TMEM200A: variants seen among roughly 807,000 people sequenced by gnomAD.
TMEM200A encodes the protein two transmembrane C.
In TMEM200A, 12 loss-of-function variants were observed where a neutral mutation model predicts 24.3. That is an observed-to-expected ratio of 0.49 (90% CI 0.32 to 0.80). TMEM200A has a LOEUF of 0.80. Ranked by LOEUF, TMEM200A falls within the 30% of genes least tolerant of loss-of-function variation. TMEM200A has a pLI of 0.04. For synonymous variants in TMEM200A, 224 were observed against 224.4 expected, an observed-to-expected ratio of 1.00 and a Z score of 0.02; for missense variants, 545 against 614.4, an observed-to-expected ratio of 0.89 and a Z score of 1.19.
intron 2 of TMEM200A, among the ~76,000 whole-genome samples, chr6:130,424,727 G>A (rs1779687223): frequency 6.6e-6 from 1 of 152,124 alleles, no homozygotes; most frequent in African/African-American, 2.4e-5. Context: ...GGGTGGGGGA[G>A]CCATGATGGT....
Position 130,440,921 on chromosome 6 carries a change from G to T in TMEM200A, c.499G>T (p.Val167Phe). The change falls in exon 3 of 3, where the codon GTC becomes TTC. Residue 167 changes from valine to phenylalanine, a missense_variant. Physicochemically the swap from Val to Phe is conservative, Grantham distance 50. Coordinates refer to ENST00000296978, the MANE Select transcript of TMEM200A (RefSeq NM_001258277.2). Reference protein sequence around the residue: ...IIHMRDIYSTVIDIHTLRIKE... With the variant: ...IIHMRDIYSTFIDIHTLRIKE... ...ACACATGAGGGATATCTATTCCACA[G>T]TCATTGACATTCACACGCTAAGAAT... 6.2e-7 allele frequency: 1 copy of T among 1,614,078 alleles called. No homozygotes were observed. The highest frequency in any genetic ancestry group is 8.5e-7 in the Non-Finnish European group (1 of 1,180,000).
chr6:130,429,144 T>TACTA (rs1399345113), intron 2 of TMEM200A, among the ~76,000 whole-genome samples: 6 of 152,152 alleles, frequency 3.9e-5, no homozygotes, highest in African/African-American at 1.2e-4. Flanking sequence ...CCATAAAAAT[T>TACTA]ACTAACTGGA....
intron 1 of TMEM200A, among the ~76,000 whole-genome samples, chr6:130,381,652 C>G (rs1231448124): frequency 6.6e-6 from 1 of 152,154 alleles, no homozygotes; most frequent in African/African-American, 2.4e-5. Context: ...CTCAAAGCTG[C>G]CTTGTGCTAT....
chr6:130,409,861 C>T (rs967905199), intron 2 of TMEM200A, among the ~76,000 whole-genome samples: 2 of 150,986 alleles, frequency 1.3e-5, no homozygotes, highest in African/African-American at 4.9e-5. Context: ...TTAATGAAAA[C>T]TCACTGTTTA....
chr6:130,433,148 T>C (rs930866177), intron 2 of TMEM200A, among the ~76,000 whole-genome samples: 8 of 151,830 alleles, frequency 5.3e-5, no homozygotes, highest in Non-Finnish European at 1.2e-4. Flanking sequence ...TTTTTTTTTT[T>C]TTTTTGAGAC....
At chr6:130,365,664 G>C, upstream of TMEM200A, 1 of 985,514 alleles carries the variant, frequency 1.0e-6, no homozygotes, top group Non-Finnish European at 1.2e-6. Flanking sequence ...GGCCCCACGG[G>C]TGGGTGTGTC....
intron 2 of TMEM200A, among the ~76,000 whole-genome samples, chr6:130,392,996 A>G (rs1562555695): frequency 2.6e-5 from 4 of 152,260 alleles, no homozygotes; most frequent in Admixed American, 6.5e-5. Flanking sequence ...CAATACAGCT[A>G]GGATTCCATA....
At chr6:130,421,756 T>C (rs919863829) in intron 2 of TMEM200A, among the ~76,000 whole-genome samples, 1 of 152,138 alleles carries the variant, frequency 6.6e-6, no homozygotes, top group African/African-American at 2.4e-5. Context: ...CTTGATGTTT[T>C]TAGATTCCAT....
chr6:130,412,293 TC>T (rs1779350737), intron 2 of TMEM200A, among the ~76,000 whole-genome samples: 2 of 151,896 alleles, frequency 1.3e-5, no homozygotes, highest in Non-Finnish European at 2.9e-5. Context: ...TCACAGGCCC[TC>T]TCTGTGTAAA....
chr6:130,428,315 T>C (rs10485237), intron 2 of TMEM200A, among the ~76,000 whole-genome samples: 65,704 of 151,954 alleles, frequency 0.43, 15,351 homozygotes, highest in African/African-American at 0.61. Context: ...TTCTTATTCA[T>C]GCTTTCAGAT....
chr6:130,370,459 A>G (rs1157480482), intron 1 of TMEM200A, among the ~76,000 whole-genome samples: 3 of 152,170 alleles, frequency 2.0e-5, no homozygotes, highest in Non-Finnish European at 2.9e-5. Context: ...TCAAGATTAC[A>G]TAGAGTTGTG....
chr6:130,404,110 T>C (rs910548352), intron 2 of TMEM200A, among the ~76,000 whole-genome samples: 2 of 152,214 alleles, frequency 1.3e-5, no homozygotes, highest in South Asian at 4.1e-4. Context: ...GTCTCTGCTA[T>C]TGTGAATACT....
chr6:130,428,375 C>T (rs1291446070), intron 2 of TMEM200A, among the ~76,000 whole-genome samples: 1 of 152,106 alleles, frequency 6.6e-6, no homozygotes, highest in African/African-American at 2.4e-5. Context: ...ACAACTTTCT[C>T]CTTCTCTTCC....
intron 2 of TMEM200A, among the ~76,000 whole-genome samples, chr6:130,419,625 G>A (rs1197466368): frequency 3.9e-5 from 6 of 152,072 alleles, no homozygotes; most frequent in Admixed American, 2.0e-4. Flanking sequence ...TCAATTATTA[G>A]TCATGTGATA....
chr6:130,430,711 G>A (rs1164293654), intron 2 of TMEM200A, among the ~76,000 whole-genome samples: 1 of 152,158 alleles, frequency 6.6e-6, no homozygotes, highest in Non-Finnish European at 1.5e-5. Flanking sequence ...GTGGTGGGAA[G>A]TTTGGTCTTG....
At chr6:130,399,024 T>G (rs1042645579) in intron 2 of TMEM200A, among the ~76,000 whole-genome samples, 2 of 152,026 alleles carry the variant, frequency 1.3e-5, no homozygotes, top group African/African-American at 4.8e-5. Context: ...ATATATTTAT[T>G]TTTTTCTCCG....
chr6:130,419,684 A>ATCTT (rs1340819867), intron 2 of TMEM200A, among the ~76,000 whole-genome samples: 1 of 152,184 alleles, frequency 6.6e-6, no homozygotes, highest in African/African-American at 2.4e-5. Context: ...GCAAGAGGGA[A>ATCTT]TCTTTGTGGA....
chr6:130,385,438 A>G (rs759784926), intron 2 of TMEM200A, among the ~76,000 whole-genome samples: 1 of 152,224 alleles, frequency 6.6e-6, no homozygotes, highest in African/African-American at 2.4e-5. Context: ...GTTCCTTGCA[A>G]TAAGCATTTT....
At chr6:130,430,061 T>C (rs1779839964) in intron 2 of TMEM200A, among the ~76,000 whole-genome samples, 1 of 152,186 alleles carries the variant, frequency 6.6e-6, no homozygotes, top group African/African-American at 2.4e-5. Flanking sequence ...TACTTTGTTC[T>C]GGCTGCTATA....
Sources: allele counts gnomAD v4.1 joint callset (sites outside exome capture counted in the v4.1 genomes callset), GRCh38; gene constraint gnomAD v4.1.1; transcripts MANE v1.5; gene names NCBI Gene and HGNC (gene_info 2026-07-23, HGNC 2026-07-21).